SNCAIP: variants seen among roughly 807,000 people sequenced by gnomAD.
SNCAIP encodes synphilin-1.
In SNCAIP, 43 loss-of-function variants were observed where a neutral mutation model predicts 86.7. That is an observed-to-expected ratio of 0.50 (90% confidence interval 0.39 to 0.64). SNCAIP has a LOEUF of 0.64. Among genes scored for constraint, SNCAIP ranks in the 30% least tolerant of loss-of-function variants. The probability of loss-of-function intolerance (pLI) is 0.00; values close to 1 mark genes in which losing one functional copy is unlikely to be tolerated. For synonymous variants in SNCAIP, 417 were observed against 427.2 expected (o/e 0.98, Z 0.29); for missense variants, 981 against 1,103.1 (o/e 0.89, Z 1.57).
intron 3 of SNCAIP, among the ~76,000 whole-genome samples, chr5:122,405,527 A>C (rs960374304): frequency 1.3e-5 from 2 of 152,164 alleles, no homozygotes; most frequent in African/African-American, 4.8e-5. Flanking sequence ...AACAGAGATG[A>C]GAAGTTAAAT....
chr5:122,383,095 G>T (rs914148089), intron 1 of SNCAIP, among the ~76,000 whole-genome samples: 5 of 152,190 alleles, frequency 3.3e-5, no homozygotes, highest in African/African-American at 1.2e-4. Flanking sequence ...CGGCTGCTTT[G>T]TTTACCTAGC....
At chr5:122,404,517 T>C (rs1772546407) in intron 3 of SNCAIP, among the ~76,000 whole-genome samples, 1 of 152,166 alleles carries the variant, frequency 6.6e-6, no homozygotes. Flanking sequence ...CTTTTCCTTC[T>C]ATGATGGGCA....
At chr5:122,395,231 T>C (rs974964163) in intron 2 of SNCAIP, among the ~76,000 whole-genome samples, 2 of 152,180 alleles carry the variant, frequency 1.3e-5, no homozygotes, top group African/African-American at 4.8e-5. Context: ...CTCAACCTAT[T>C]ACCCTAAATT....
intron 1 of SNCAIP, among the ~76,000 whole-genome samples, 197 bp from the exon 2 acceptor site, chr5:122,390,892 A>T (rs1003590854): frequency 6.6e-6 from 1 of 152,206 alleles, no homozygotes; most frequent in Non-Finnish European, 1.5e-5. Context: ...GGGGAGCCAC[A>T]CTGGGGACCA....
chr5:122,452,973 G>A (rs761628445), intron 10 of SNCAIP: 1 of 1,548,204 alleles, frequency 6.5e-7, no homozygotes, highest in Non-Finnish European at 8.7e-7. Flanking sequence ...GCTGATTGAA[G>A]AGCATCTGTG....
At chr5:122,430,512 T>G (rs936998820) in intron 5 of SNCAIP, among the ~76,000 whole-genome samples, 2 of 152,148 alleles carry the variant, frequency 1.3e-5, no homozygotes, top group African/African-American at 4.8e-5. Context: ...ATCGGATAGG[T>G]AAAGTAATTT....
chr5:122,376,080 T>C (rs1765246227), intron 1 of SNCAIP, among the ~76,000 whole-genome samples: 1 of 152,140 alleles, frequency 6.6e-6, no homozygotes, highest in Admixed American at 6.5e-5. Flanking sequence ...AATCAGCAAG[T>C]CTGGGATTTG....
intron 4 of SNCAIP, 63 bp downstream of exon 4, chr5:122,423,802 A>G (rs1234034365): frequency 7.1e-7 from 1 of 1,400,052 alleles, no homozygotes; most frequent in South Asian, 1.2e-5. Context: ...AATAAACTGC[A>G]TTCGTTAGTA....
intron 1 of SNCAIP, among the ~76,000 whole-genome samples, chr5:122,332,026 GTGTTTTTT>G (rs1309013212): frequency 6.6e-6 from 1 of 152,192 alleles, no homozygotes; most frequent in Non-Finnish European, 1.5e-5. Context: ...CCACGTGAAT[GTGTTTTTT>G]TGTAAACAGT....
chr5:122,366,995 CAT>C (rs1763322604), intron 1 of SNCAIP, among the ~76,000 whole-genome samples: 1 of 151,972 alleles, frequency 6.6e-6, no homozygotes, highest in Admixed American at 6.6e-5. Flanking sequence ...GGATGGAAAA[CAT>C]AAAAATTTAA....
chr5:122,400,041 C>A (rs989073948), intron 2 of SNCAIP, among the ~76,000 whole-genome samples: 1 of 151,882 alleles, frequency 6.6e-6, no homozygotes, highest in Non-Finnish European at 1.5e-5. Flanking sequence ...AGAAGTGATA[C>A]CCAGGCAAAG....
chr5:122,322,373 A>T (rs1272858970), intron 1 of SNCAIP, among the ~76,000 whole-genome samples: 1 of 152,252 alleles, frequency 6.6e-6, no homozygotes, highest in African/African-American at 2.4e-5. Flanking sequence ...ATTCAAATAA[A>T]TTCAAAGTTT....
chr5:122,338,993 A>G lies in SNCAIP; in HGVS notation c.-47+26709A>G, dbSNP rs187057689. On this transcript the variant is annotated intron_variant, in intron 1 of 10. Transcript: ENST00000261368. ...AAGATTCACATGCACCTCTGCTTCTAGGCCAGGGATTCCAAAGTTACGTGT... is the reference window on the plus strand; with the variant it reads ...AAGATTCACATGCACCTCTGCTTCTGGGCCAGGGATTCCAAAGTTACGTGT... Among the ~76,000 whole-genome samples the G allele has an allele frequency of 6.8e-4, 103 of 152,298 alleles. 1 individual carries two copies. The highest frequency in any genetic ancestry group is 3.4e-3 in the Middle Eastern group (1 of 294).
At chr5:122,392,378 G>A (rs897280609) in intron 2 of SNCAIP, among the ~76,000 whole-genome samples, 3 of 151,748 alleles carry the variant, frequency 2.0e-5, no homozygotes, top group African/African-American at 7.3e-5. Flanking sequence ...TTTTGTCTAC[G>A]TGTCTGTCTG....
intron 1 of SNCAIP, among the ~76,000 whole-genome samples, chr5:122,322,831 G>C (rs1396358481): frequency 6.6e-6 from 1 of 152,138 alleles, no homozygotes; most frequent in Non-Finnish European, 1.5e-5. Flanking sequence ...CTAAGACAAG[G>C]ACACTTCAAA....
intron 1 of SNCAIP, among the ~76,000 whole-genome samples, chr5:122,355,524 C>G (rs1359154249): frequency 6.6e-6 from 1 of 152,128 alleles, no homozygotes; most frequent in Non-Finnish European, 1.5e-5. Context: ...CCCATAAAAT[C>G]CACCTTCCCA....
intron 6 of SNCAIP, 39 bp downstream of exon 6, chr5:122,432,121 C>T (rs1309109820): frequency 1.2e-6 from 1 of 853,438 alleles, no homozygotes; most frequent in African/African-American, 1.7e-5. Context: ...CTTTGTGTAC[C>T]ATATAATCTT....
At chr5:122,392,399 A>ACT (rs142215304) in intron 2 of SNCAIP, among the ~76,000 whole-genome samples, 1,565 of 145,010 alleles carry the variant, frequency 0.011, 23 homozygotes, top group African/African-American at 0.031. Context: ...TCTGTCTGCC[A>ACT]CTCTCTCTCT....
At chr5:122,396,832 T>A (rs545295542) in intron 2 of SNCAIP, among the ~76,000 whole-genome samples, 2 of 152,308 alleles carry the variant, frequency 1.3e-5, no homozygotes, top group South Asian at 4.1e-4. Context: ...ATCATTGAAG[T>A]TGAACAAGGT....
Sources: allele counts gnomAD v4.1 joint callset (sites outside exome capture counted in the v4.1 genomes callset), GRCh38; gene constraint gnomAD v4.1.1; transcripts MANE v1.5; gene names NCBI Gene and HGNC (gene_info 2026-07-23, HGNC 2026-07-21).